KLHL25: variants seen among roughly 807,000 people sequenced by gnomAD.
KLHL25 encodes kelch like family member 25.
Under a neutral mutation model 30.0 loss-of-function variants are expected in KLHL25, and 41 were observed. That is an observed-to-expected ratio of 1.37 (90% confidence interval 1.07 to 1.78). The LOEUF is 1.78. Ranked by LOEUF, KLHL25 falls within the 40% of genes most tolerant of loss-of-function variation. The pLI is 0.00. For missense variants in KLHL25, 971 were observed against 824.5 expected (o/e 1.18, Z -2.18); for synonymous variants, 399 against 355.3 (o/e 1.12, Z -1.38).
At position 85,768,181 on chromosome 15, in the gene KLHL25, C is replaced by T. The variant is rs773341811; in HGVS notation, c.1630G>A (p.Gly544Arg). 1.2e-5 allele frequency: 20 copies of T among 1,614,098 alleles called. No individual in the cohort carries two copies. The highest frequency in any genetic ancestry group is 8.9e-5 in the East Asian group (4 of 44,896). The change falls in exon 2 of 3, where the codon GGG (glycine) becomes AGG (arginine). Residue 544 changes from glycine (G) to arginine (R), a missense_variant. By Grantham distance (125) the Gly-to-Arg change is moderately radical. Transcript: ENST00000337975. ...CACCTCTGGGTCCCAAAGTAGCCCC[C>T]GACCACATAGAGCTTGTTGCCGGAA... Reference protein sequence around the residue: ...LASGNKLYVVGGYFGTQRCKT... With the variant: ...LASGNKLYVVRGYFGTQRCKT...
At chr15:85,774,480 G>T (rs2089697109) in intron 1 of KLHL25, among the ~76,000 whole-genome samples, 1 of 152,146 alleles carries the variant, frequency 6.6e-6, no homozygotes, top group Non-Finnish European at 1.5e-5. Flanking sequence ...ACTAGCCAAG[G>T]GGTGAGACTT....
At chr15:85,793,432 A>C (rs2151814853) in intron 1 of KLHL25, among the ~76,000 whole-genome samples, 1 of 152,284 alleles carries the variant, frequency 6.6e-6, no homozygotes, top group South Asian at 2.1e-4. Context: ...TTGTGGACCC[A>C]AGAGCCTCCG....
At chr15:85,791,194 C>CCAAAA (rs1555471179) in intron 1 of KLHL25, among the ~76,000 whole-genome samples, 2 of 118,940 alleles carry the variant, frequency 1.7e-5, no homozygotes, top group Non-Finnish European at 1.7e-5. Flanking sequence ...GACTCAGTCT[C>CCAAAA]AAAAAAAAAA....
chr15:85,783,046 T>C (rs1395503300), intron 1 of KLHL25, among the ~76,000 whole-genome samples: 2 of 152,218 alleles, frequency 1.3e-5, no homozygotes, highest in Non-Finnish European at 2.9e-5. Flanking sequence ...GGTGCCTGCC[T>C]GGTACCTGCC....
chr15:85,783,366 T>C (rs1370527325), intron 1 of KLHL25, among the ~76,000 whole-genome samples: 10 of 151,782 alleles, frequency 6.6e-5, no homozygotes, highest in Non-Finnish European at 2.9e-5. Flanking sequence ...AGTGCTGGGA[T>C]TACAGGCATG....
At chr15:85,771,384 G>T (rs866303749) in intron 1 of KLHL25, among the ~76,000 whole-genome samples, 1 of 152,154 alleles carries the variant, frequency 6.6e-6, no homozygotes, top group South Asian at 2.1e-4. Context: ...CTCTCCTGCC[G>T]CCTCCCACTC....
intron 1 of KLHL25, among the ~76,000 whole-genome samples, chr15:85,772,666 C>T (rs1367445790): frequency 6.6e-6 from 1 of 152,212 alleles, no homozygotes; most frequent in African/African-American, 2.4e-5. Flanking sequence ...CAGGACAAAG[C>T]AAGACTCAAA....
chr15:85,780,074 A>C (rs572758329), intron 1 of KLHL25, among the ~76,000 whole-genome samples: 6 of 152,210 alleles, frequency 3.9e-5, no homozygotes, highest in Non-Finnish European at 8.8e-5. Context: ...CAGCCCCTCT[A>C]AACTGTCAAG....
intron 1 of KLHL25, among the ~76,000 whole-genome samples, chr15:85,773,690 A>G (rs1454380418): frequency 6.6e-6 from 1 of 152,150 alleles, no homozygotes; most frequent in African/African-American, 2.4e-5. Context: ...TAAGATGTTC[A>G]CTGGAACTTT....
chr15:85,783,194 G>A (rs2089756363), intron 1 of KLHL25, among the ~76,000 whole-genome samples: 1 of 152,144 alleles, frequency 6.6e-6, no homozygotes, highest in South Asian at 2.1e-4. Flanking sequence ...TCCAGCTCCT[G>A]GGTTCAAGCT....
chr15:85,789,844 G>A lies in KLHL25; in HGVS notation c.-11+4922C>T, dbSNP rs959688957. 6.6e-6 allele frequency among the ~76,000 whole-genome samples: 1 copy of A among 152,090 alleles called. No homozygotes were observed. Among genetic ancestry groups the A allele is most frequent in the Non-Finnish European group, 1.5e-5 (1 of 68,020 alleles). ...GTCTTCTGTCTCCACCAGCCCCTTC[G>A]CAGGAGGCCTCAAACTCTGAGGCAG... is the stretch of plus-strand genomic sequence containing the variant. On this transcript the variant is annotated intron_variant, in intron 1 of 2. Coordinates refer to ENST00000337975, the MANE Select transcript of KLHL25 (RefSeq NM_022480.4). This position sits in a 1 kb window ranked among gnomAD's most constrained non-coding sequence, Gnocchi z 4.1.
chr15:85,767,394 C>A (rs1055709340), intron 2 of KLHL25, among the ~76,000 whole-genome samples: 1 of 151,964 alleles, frequency 6.6e-6, no homozygotes, highest in African/African-American at 2.4e-5. Context: ...GCCACCATGC[C>A]CGGGCCTGGT....
intron 1 of KLHL25, among the ~76,000 whole-genome samples, chr15:85,777,455 T>C (rs937262147): frequency 3.3e-5 from 5 of 152,116 alleles, no homozygotes; most frequent in East Asian, 1.9e-4. Flanking sequence ...ACTCTACACA[T>C]GGCCCTACCC....
At chr15:85,783,262 A>ATT (rs34709213) in intron 1 of KLHL25, among the ~76,000 whole-genome samples, 47 of 146,104 alleles carry the variant, frequency 3.2e-4, no homozygotes, top group East Asian at 1.0e-3. Flanking sequence ...TAATTTTTGT[A>ATT]TTTTTTTTTT....
chr15:85,768,769 T>C lies in KLHL25; in HGVS notation c.1042A>G (p.Arg348Gly). 1.2e-6 allele frequency: 2 copies of C among 1,613,010 alleles called. No individual in the cohort carries two copies. Among genetic ancestry groups the C allele is most frequent in the Non-Finnish European group, 1.7e-6 (2 of 1,179,934 alleles). ...TTGGAGACCCCGTTCTCGGAGCCCC[T>C]GCCCCCCGTCACATAGACCTTGCAG... is the stretch of plus-strand genomic sequence containing the variant. ...IGCKVYVTGG[R>G]GSENGVSKDV... Residue 348 changes from arginine (R) to glycine (G), a missense_variant, in exon 2 of 3, where the codon AGG becomes GGG. By Grantham distance (125) the Arg-to-Gly change is moderately radical. Transcript: ENST00000337975.
intron 2 of KLHL25, chr15:85,762,774 T>C (rs11636821): frequency 2.0e-5 from 3 of 152,176 alleles, no homozygotes; most frequent in African/African-American, 4.8e-5. Flanking sequence ...GGCCCAACCC[T>C]CAAGGCTGGC....
At position 85,768,176 on chromosome 15, in the gene KLHL25, G is replaced by A; in HGVS notation, c.1635C>T (p.Gly545=). 6.2e-7 allele frequency: 1 copy of A among 1,614,222 alleles called. No individual in the cohort carries two copies. The highest frequency in any genetic ancestry group is 2.2e-5 in the East Asian group (1 of 44,882). The change falls in exon 2 of 3, where the codon GGC becomes GGT. Residue 545 remains glycine, a synonymous_variant. Coordinates refer to ENST00000337975, the MANE Select transcript of KLHL25 (RefSeq NM_022480.4). ...TCTTACACCTCTGGGTCCCAAAGTA[G>A]CCCCCGACCACATAGAGCTTGTTGC... ...ASGNKLYVVG[G]YFGTQRCKTL...
rs2089800203 is a variant in KLHL25 at position 85,789,172 on chromosome 15, C to G, written c.-11+5594G>C. Among the ~76,000 whole-genome samples, 1 of 152,222 alleles carries G rather than the reference C, an allele frequency of 6.6e-6. No individual in the cohort carries two copies. The highest frequency in any genetic ancestry group is 6.5e-5 in the Admixed American group (1 of 15,288). ...GTCTCCATCCTTTCCCTGCATCCTACTCCTCACCACTCGGCTGATGGTGGA... is the reference window on the plus strand; with the variant it reads ...GTCTCCATCCTTTCCCTGCATCCTAGTCCTCACCACTCGGCTGATGGTGGA... On this transcript the variant is annotated intron_variant, in intron 1 of 2. Transcript: ENST00000337975. This position sits in a 1 kb window ranked among gnomAD's most constrained non-coding sequence, Gnocchi z 4.1.
intron 1 of KLHL25, among the ~76,000 whole-genome samples, chr15:85,771,385 C>T (rs2089671262): frequency 6.6e-6 from 1 of 152,184 alleles, no homozygotes; most frequent in Admixed American, 6.5e-5. Flanking sequence ...TCTCCTGCCG[C>T]CTCCCACTCC....
Sources: gnomAD v4.1 joint callset for allele counts (sites outside exome capture counted in the v4.1 genomes callset) on GRCh38, gnomAD v4.1.1 for gene constraint, Gnocchi (gnomAD v3.1) non-coding constraint, MANE v1.5 for transcripts, NCBI Gene and HGNC (gene_info 2026-07-23, HGNC 2026-07-21) for gene names.